The following CFAP299 variants were observed in gnomAD, a reference collection of about 807,000 sequenced individuals.
The protein encoded by CFAP299 is cilia- and flagella-associated protein 299.
Under a neutral mutation model 27.0 loss-of-function variants are expected in CFAP299, and 21 were observed. That is an observed-to-expected ratio of 0.78 (90% CI 0.55 to 1.12). The LOEUF is 1.12. CFAP299 is among the 50% of genes most tolerant of loss of function. The pLI is 0.00. For synonymous variants in CFAP299, 104 were observed against 98.1 expected (o/e 1.06, Z -0.36); for missense variants, 310 against 276.6 (o/e 1.12, Z -0.86).
At chr4:80,732,827 A>G (rs151155424) in intron 3 of CFAP299, among the ~76,000 whole-genome samples, 49 of 152,300 alleles carry the variant, frequency 3.2e-4, no homozygotes, top group African/African-American at 1.1e-3. Flanking sequence ...TAGGAAAGGA[A>G]GCAAAAAGGA....
At chr4:80,394,635 C>T (rs1725678852) in intron 2 of CFAP299, among the ~76,000 whole-genome samples, 1 of 152,110 alleles carries the variant, frequency 6.6e-6, no homozygotes. Context: ...TTTCATTCTT[C>T]CACATGCAGA....
At chr4:80,938,449 C>G (rs1029626143) in intron 4 of CFAP299, among the ~76,000 whole-genome samples, 1 of 152,222 alleles carries the variant, frequency 6.6e-6, no homozygotes, top group African/African-American at 2.4e-5. Flanking sequence ...ACTAGCCAAA[C>G]GCATCACTTT....
chr4:80,539,893 G>C (rs1733919652), intron 2 of CFAP299, among the ~76,000 whole-genome samples: 1 of 152,170 alleles, frequency 6.6e-6, no homozygotes, highest in African/African-American at 2.4e-5. Context: ...GGATTTAGAG[G>C]TGTCCAAGAT....
At chr4:80,562,195 A>G (rs564069188) in intron 2 of CFAP299, among the ~76,000 whole-genome samples, 19 of 152,238 alleles carry the variant, frequency 1.2e-4, no homozygotes, top group Middle Eastern at 3.4e-3. Context: ...CAGAGAAAAA[A>G]TCACCTTCAC....
At chr4:80,927,108 G>T (rs1175758731) in intron 4 of CFAP299, among the ~76,000 whole-genome samples, 1 of 152,010 alleles carries the variant, frequency 6.6e-6, no homozygotes, top group Non-Finnish European at 1.5e-5. Context: ...ATACAAAATT[G>T]CTTAGTGAAA....
chr4:80,420,022 A>AT (rs1374254679), intron 2 of CFAP299, among the ~76,000 whole-genome samples: 1 of 152,060 alleles, frequency 6.6e-6, no homozygotes, highest in African/African-American at 2.4e-5. Context: ...AGAAGCTTAT[A>AT]TACCATTTTG....
intron 4 of CFAP299, among the ~76,000 whole-genome samples, chr4:80,923,651 A>G (rs181927269): frequency 6.6e-6 from 1 of 152,188 alleles, no homozygotes; most frequent in African/African-American, 2.4e-5. Context: ...TGGTGCTAGT[A>G]TTTAATTAAC....
Position 80,471,666 on chromosome 4 carries a change from G to A in CFAP299, c.242+108782G>A, listed in dbSNP as rs756972125. ...TTTCAAATCTGTTAATTTTGCAATT[G>A]AAAACAATGATATAAGGTTCAGGTG... On this transcript the variant is annotated intron_variant, in intron 2 of 5. Transcript: ENST00000358105. Among the ~76,000 whole-genome samples the A allele has an allele frequency of 1.3e-3, 195 of 151,826 alleles. 1 individual carries two copies. Among genetic ancestry groups the A allele is most frequent in the Non-Finnish European group, 8.4e-4 (57 of 67,928 alleles).
rs1560643069 is a variant in CFAP299 at position 80,591,129 on chromosome 4, TTTA to T, written c.333+7949_333+7951del. Among the ~76,000 whole-genome samples, 4 of 139,494 alleles carry T rather than the reference TTTA, an allele frequency of 2.9e-5. No individual in the cohort carries two copies. In the East Asian group the frequency reaches 6.2e-4, roughly 22 times the overall value. 91.5% of individuals were successfully genotyped at this position (139,494 alleles called of 152,430 possible). A position where few individuals can be genotyped will look rare whatever the true frequency, so the allele number is the denominator to read the frequency against. On this transcript the variant is annotated intron_variant, in intron 3 of 5. Coordinates refer to ENST00000358105, the MANE Select transcript of CFAP299 (RefSeq NM_152770.3). Reference sequence around the variant, plus strand: ...AATTTTTTTTTTTTTTTTTTTTTTTTTTATTTTTTTTTGAGACGGAGTCTCGCT... The same window carrying T: ...AATTTTTTTTTTTTTTTTTTTTTTTTTTTTTTTTTGAGACGGAGTCTCGCT...
intron 3 of CFAP299, among the ~76,000 whole-genome samples, chr4:80,730,909 C>A (rs1242110627): frequency 1.3e-5 from 2 of 152,184 alleles, no homozygotes; most frequent in African/African-American, 4.8e-5. Flanking sequence ...TTTTATCCTG[C>A]CTTTGCACAT....
chr4:80,423,662 C>A (rs1560560834), intron 2 of CFAP299, among the ~76,000 whole-genome samples: 1 of 152,108 alleles, frequency 6.6e-6, no homozygotes, highest in Non-Finnish European at 1.5e-5. Flanking sequence ...GGCGGCTGGG[C>A]CAGAGTTCCA....
intron 2 of CFAP299, among the ~76,000 whole-genome samples, chr4:80,527,883 G>A (rs1041877343): frequency 6.6e-5 from 10 of 152,110 alleles, no homozygotes; most frequent in Admixed American, 2.0e-4. Context: ...CTCCGACCTT[G>A]ATGAAGGGAA....
At position 80,866,059 on chromosome 4, in the gene CFAP299, T is replaced by TTTTATATATATATATA. The variant is rs886156357; in HGVS notation, c.334-3933_334-3932insTTATATATATATATAT. ...CTTGTGCACCGTAGAACTTAAAGTA[T>TTTTATATATATATATA]TATATATATATATATATATATATAT... On this transcript the variant is annotated intron_variant, in intron 3 of 5. Coordinates refer to ENST00000358105, the MANE Select transcript of CFAP299 (RefSeq NM_152770.3). Among the ~76,000 whole-genome samples the TTTTATATATATATATA allele has an allele frequency of 6.2e-4, 36 of 58,382 alleles. 1 individual carries two copies. The highest frequency in any genetic ancestry group is 1.1e-3 in the East Asian group (1 of 920). The allele number at this position is 58,382 out of a possible 152,430, so 38.3% of individuals were successfully genotyped here.
chr4:80,425,843 G>A (rs1365191393), intron 2 of CFAP299, among the ~76,000 whole-genome samples: 1 of 152,188 alleles, frequency 6.6e-6, no homozygotes, highest in Admixed American at 6.5e-5. Flanking sequence ...ATTTTACACT[G>A]GGGAATGATT....
intron 2 of CFAP299, among the ~76,000 whole-genome samples, chr4:80,447,130 G>GTTTTTTTTTTTTTTTTTTTTTTT (rs1553923883): frequency 2.8e-5 from 3 of 105,318 alleles, no homozygotes; most frequent in South Asian, 3.4e-4. Flanking sequence ...TTTTTTTTTT[G>GTTTTTTTTTTTTTTTTTTTTTTT]TTTTTTTTTT....
intron 3 of CFAP299, among the ~76,000 whole-genome samples, chr4:80,836,540 G>A (rs1413115099): frequency 6.6e-6 from 1 of 152,134 alleles, no homozygotes; most frequent in Admixed American, 6.6e-5. Flanking sequence ...ACCTTCTTCA[G>A]TAATCACATT....
chr4:80,897,715 C>T (rs893764424), intron 4 of CFAP299, among the ~76,000 whole-genome samples: 2 of 152,206 alleles, frequency 1.3e-5, no homozygotes, highest in Non-Finnish European at 2.9e-5. Context: ...TCTGCCACAC[C>T]TGACATCTCT....
In CFAP299 at chr4:80,935,208, C is replaced by A. The variant is rs181262126; in HGVS notation, c.477-9602C>A. 4.0e-3 allele frequency among the ~76,000 whole-genome samples: 615 copies of A among 152,080 alleles called. 1 individual carries two copies. Among genetic ancestry groups the A allele is most frequent in the Middle Eastern group, 0.014 (4 of 294 alleles). ...TTTCCTCACATTATTTATTTCTAGT[C>A]TCATATCATTGTGTCAGAAACTGTA... On this transcript the variant is annotated intron_variant, in intron 4 of 5. Transcript: ENST00000358105.
chr4:80,844,902 C>T (rs1289169739), intron 3 of CFAP299, among the ~76,000 whole-genome samples: 4 of 151,942 alleles, frequency 2.6e-5, no homozygotes, highest in Non-Finnish European at 4.4e-5. Context: ...AACATGTAAG[C>T]CTTTAATCCA....
Sources: gnomAD v4.1 joint callset for allele counts (sites outside exome capture counted in the v4.1 genomes callset) on GRCh38, gnomAD v4.1.1 for gene constraint, MANE v1.5 for transcripts, NCBI Gene and HGNC (gene_info 2026-07-23, HGNC 2026-07-21) for gene names.